The following ATXN2 variants were observed in gnomAD, a reference collection of about 807,000 sequenced individuals.
ATXN2 encodes ataxin-2.
In ATXN2, 37 loss-of-function variants were observed where a neutral mutation model predicts 138.6. The observed-to-expected ratio is 0.27, with a 90% CI of 0.21 to 0.35. The LOEUF (loss-of-function observed/expected upper bound fraction) is 0.35. Among genes scored for constraint, ATXN2 ranks in the 10% least tolerant of loss-of-function variants. The pLI is 1.00. For synonymous variants in ATXN2, 549 were observed against 543.7 expected, an observed-to-expected ratio of 1.01 and a Z score of -0.13; for missense variants, 1,216 against 1,480.3, an observed-to-expected ratio of 0.82 and a Z score of 2.93.
At chr12:111,469,827 A>C (rs988655530) in intron 20 of ATXN2, 29 of 415,194 alleles carry the variant, frequency 7.0e-5, no homozygotes, top group Non-Finnish European at 1.1e-4. Flanking sequence ...GATGAGGAAG[A>C]GGAGAAAGGT....
Position 111,552,168 on chromosome 12 carries a change from G to A in ATXN2, c.571+112C>T, listed in dbSNP as rs952470144. ...AGTGCTAAGATTACAGGAATGAGCC[G>A]CCATACCCAGCCCAGATATTTCTTT... On this transcript the variant is annotated intron_variant, in intron 5 of 24. Coordinates refer to ENST00000673436, the MANE Select transcript of ATXN2 (RefSeq NM_001372574.1). The surrounding 1 kb of genome is among the most constrained non-coding windows in gnomAD (Gnocchi z 4.1). The A allele has an allele frequency of 2.4e-5, 28 of 1,167,432 alleles. No homozygotes were observed. Among genetic ancestry groups the A allele is most frequent in the Non-Finnish European group, 2.9e-5 (25 of 861,008 alleles). The allele number at this position is 1,167,432 out of a possible 1,614,324, so 72.3% of individuals were successfully genotyped here.
At chr12:111,515,338 C>T (rs1303935830) in intron 10 of ATXN2, among the ~76,000 whole-genome samples, 2 of 152,080 alleles carry the variant, frequency 1.3e-5, no homozygotes, top group African/African-American at 4.8e-5. Context: ...ATCAAAAGGA[C>T]ATTATGATTC....
At position 111,453,331 on chromosome 12, in the gene ATXN2, CAT is replaced by C. The variant is rs1469364415; in HGVS notation, c.3439+344_3439+345del. On this transcript the variant is annotated intron_variant, in intron 24 of 24. Transcript: ENST00000673436. The surrounding 1 kb of genome is among the most constrained non-coding windows in gnomAD (Gnocchi z 5.4). ...ACTCTGCCATGGTAATAACCCCCCA[CAT>C]GTCAGACTTTTGGGACTCAGGAAGG... 19 of 1,086,490 alleles carry C rather than the reference CAT, an allele frequency of 1.7e-5. No homozygotes were observed. In the Admixed American group the frequency reaches 7.1e-4, roughly 41 times the overall value. 67.3% of individuals were successfully genotyped at this position (1,086,490 alleles called of 1,614,324 possible).
chr12:111,473,634 T>C (rs1412506588), intron 18 of ATXN2, among the ~76,000 whole-genome samples: 1 of 151,812 alleles, frequency 6.6e-6, no homozygotes, highest in Non-Finnish European at 1.5e-5. Context: ...CCAAAAAAAT[T>C]AAGGCGCTAA....
intron 1 of ATXN2, among the ~76,000 whole-genome samples, chr12:111,594,500 C>T (rs1023498689): frequency 6.6e-6 from 1 of 152,006 alleles, no homozygotes; most frequent in African/African-American, 2.4e-5. Flanking sequence ...CTAAACAGCA[C>T]AATTTTTAAG....
At chr12:111,533,669 A>G (rs1164608705) in intron 5 of ATXN2, among the ~76,000 whole-genome samples, 2 of 152,088 alleles carry the variant, frequency 1.3e-5, no homozygotes, top group Non-Finnish European at 2.9e-5. Context: ...GGGATTACAC[A>G]TGTGCACTAC....
At chr12:111,551,074 G>A (rs1330794477) in intron 5 of ATXN2, among the ~76,000 whole-genome samples, 2 of 152,060 alleles carry the variant, frequency 1.3e-5, no homozygotes, top group African/African-American at 2.4e-5. Flanking sequence ...CGAGGCGGGC[G>A]GATCACGAGG....
intron 14 of ATXN2, among the ~76,000 whole-genome samples, chr12:111,493,312 T>C (rs1032930463): frequency 2.7e-5 from 4 of 147,428 alleles, no homozygotes; most frequent in African/African-American, 1.0e-4. Context: ...CCCAGCTACT[T>C]GGGAGGCTGA....
chr12:111,542,196 T>C (rs1881557552), intron 5 of ATXN2, among the ~76,000 whole-genome samples: 1 of 141,492 alleles, frequency 7.1e-6, no homozygotes, highest in African/African-American at 2.5e-5. Flanking sequence ...CCTTCAGCTG[T>C]GTCTTCATAA....
intron 1 of ATXN2, among the ~76,000 whole-genome samples, chr12:111,571,984 C>A (rs1268725654): frequency 6.9e-6 from 1 of 145,964 alleles, no homozygotes; most frequent in Admixed American, 7.0e-5. Flanking sequence ...TGCACTCCAG[C>A]CTGAGCAACA....
chr12:111,493,325 C>G (rs1328623699), intron 14 of ATXN2, among the ~76,000 whole-genome samples: 1 of 144,382 alleles, frequency 6.9e-6, no homozygotes, highest in Non-Finnish European at 1.5e-5. Context: ...GAGGCTGAGG[C>G]AGAAGAATCG....
intron 5 of ATXN2, among the ~76,000 whole-genome samples, chr12:111,539,027 A>G (rs1228977121): frequency 6.6e-6 from 1 of 150,408 alleles, no homozygotes; most frequent in Non-Finnish European, 1.5e-5. Context: ...TCCTAAAAAG[A>G]TCAAAAGAAG....
At chr12:111,582,032 C>T (rs1223229279) in intron 1 of ATXN2, among the ~76,000 whole-genome samples, 2 of 151,604 alleles carry the variant, frequency 1.3e-5, no homozygotes, top group Non-Finnish European at 2.9e-5. Flanking sequence ...GTGCCAAGAA[C>T]AGAACATAAG....
intron 5 of ATXN2, among the ~76,000 whole-genome samples, chr12:111,550,345 CAAAGT>C (rs1882056517): frequency 1.3e-5 from 2 of 152,056 alleles, no homozygotes; most frequent in African/African-American, 2.4e-5. Context: ...ACAAACATCT[CAAAGT>C]AATATTCACT....
At chr12:111,599,649 C>T (rs1381926775), upstream of ATXN2, 12 of 1,080,852 alleles carry the variant, frequency 1.1e-5, no homozygotes, top group African/African-American at 1.7e-5. Context: ...GAGGAGCGGG[C>T]GGCGCGCTGG....
At chr12:111,526,404 T>C (rs1186604142) in intron 5 of ATXN2, among the ~76,000 whole-genome samples, 1 of 110,550 alleles carries the variant, frequency 9.0e-6, no homozygotes, top group African/African-American at 7.1e-5. Flanking sequence ...AAAATATCTC[T>C]TTTTTTTTTT....
rs1879442357 is a variant in ATXN2 at position 111,510,487 on chromosome 12, C to T, written c.1654G>A (p.Ala552Thr). ...PSGPVLASPQ[A>T]GIIPTEAVAM... ...ACAGCTTCAGTTGGAATAATACCAG[C>T]TTGGGGAGAAGCAAGAACTGGCCCA... Residue 552 changes from alanine (A) to threonine (T), a missense_variant, in exon 12 of 25, where the codon GCT becomes ACT. Coordinates refer to ENST00000673436, the MANE Select transcript of ATXN2 (RefSeq NM_001372574.1). 1 of 1,614,000 alleles carries T rather than the reference C, an allele frequency of 6.2e-7. No homozygotes were observed. The highest frequency in any genetic ancestry group is 1.3e-5 in the African/African-American group (1 of 74,898).
intron 6 of ATXN2, among the ~76,000 whole-genome samples, chr12:111,522,956 A>G (rs1880265887): frequency 6.6e-6 from 1 of 151,648 alleles, no homozygotes; most frequent in South Asian, 2.1e-4. Flanking sequence ...CTTCTAGGCA[A>G]TAAGAATATG....
intron 1 of ATXN2, among the ~76,000 whole-genome samples, chr12:111,576,186 A>G (rs920669335): frequency 6.6e-6 from 1 of 152,016 alleles, no homozygotes; most frequent in Non-Finnish European, 1.5e-5. Context: ...GCTCACACCT[A>G]TAATTCCGCC....
Sources: gnomAD v4.1 joint callset for allele counts (sites outside exome capture counted in the v4.1 genomes callset) on GRCh38, gnomAD v4.1.1 for gene constraint, Gnocchi (gnomAD v3.1) non-coding constraint, MANE v1.5 for transcripts, NCBI Gene and HGNC (gene_info 2026-07-23, HGNC 2026-07-21) for gene names.